KCNIP4: variants seen among roughly 807,000 people sequenced by gnomAD.
KCNIP4 encodes potassium voltage-gated channel interacting protein 4, also known as Kv channel-interacting protein 4.
KCNIP4 carries 12 observed loss-of-function variants against 34.0 expected under a neutral mutation model. The ratio of observed to expected loss-of-function variants is 0.35; its 90% confidence interval spans 0.23 to 0.57. The LOEUF (loss-of-function observed/expected upper bound fraction) is 0.57. Among genes scored for constraint, KCNIP4 ranks in the 20% least tolerant of loss-of-function variants. The pLI is 0.83. For missense variants in KCNIP4, 238 were observed against 311.7 expected, an observed-to-expected ratio of 0.76 and a Z score of 1.78; for synonymous variants, 124 against 102.2, an observed-to-expected ratio of 1.21 and a Z score of -1.29.
intron 1 of KCNIP4, among the ~76,000 whole-genome samples, chr4:21,595,358 A>C (rs768818886): frequency 4.6e-5 from 7 of 152,118 alleles, no homozygotes; most frequent in Non-Finnish European, 7.4e-5. Flanking sequence ...TCCACGGTAT[A>C]TATGTGCCAC....
At chr4:21,612,324 T>A (rs1202309903) in intron 1 of KCNIP4, among the ~76,000 whole-genome samples, 3 of 152,222 alleles carry the variant, frequency 2.0e-5, no homozygotes, top group Non-Finnish European at 2.9e-5. Flanking sequence ...ACTGGCATGT[T>A]AATAACGTCA....
intron 1 of KCNIP4, among the ~76,000 whole-genome samples, chr4:21,393,786 A>G (rs1722749169): frequency 6.6e-6 from 1 of 152,198 alleles, no homozygotes; most frequent in African/African-American, 2.4e-5. Flanking sequence ...CTCCACTGCC[A>G]TCATTGAAAT....
intron 1 of KCNIP4, among the ~76,000 whole-genome samples, chr4:21,101,822 C>G (rs962836420): frequency 6.6e-6 from 1 of 152,166 alleles, no homozygotes; most frequent in Non-Finnish European, 1.5e-5. Context: ...ATAGACAACA[C>G]ATGACTCAGA....
Position 20,994,462 on chromosome 4 carries a change from G to A in KCNIP4, c.62-111753C>T, listed in dbSNP as rs946971426. Among the ~76,000 whole-genome samples the A allele has an allele frequency of 2.2e-4, 33 of 152,256 alleles. 1 individual carries two copies. In the East Asian group the frequency reaches 5.4e-3, roughly 25 times the overall value. On this transcript the variant is annotated intron_variant, in intron 1 of 8. Coordinates refer to ENST00000382152, the MANE Select transcript of KCNIP4 (RefSeq NM_025221.6). ...AGCTTTAATTAGCATTCCTATTTCT[G>A]AACTAATTGTCACAGAGAAAGGACT...
chr4:21,790,296 C>T (rs566604270), intron 1 of KCNIP4, among the ~76,000 whole-genome samples: 3 of 152,228 alleles, frequency 2.0e-5, no homozygotes, highest in South Asian at 2.1e-4. Context: ...AAAACAATTT[C>T]GAAATTACTT....
At chr4:21,071,846 A>G (rs981747826) in intron 1 of KCNIP4, among the ~76,000 whole-genome samples, 2 of 151,840 alleles carry the variant, frequency 1.3e-5, no homozygotes, top group South Asian at 2.1e-4. Context: ...CCTGTGTCCA[A>G]GTGTTCTCAT....
chr4:21,138,464 GCC>G (rs1190976719), intron 1 of KCNIP4, among the ~76,000 whole-genome samples: 1 of 152,024 alleles, frequency 6.6e-6, no homozygotes, highest in Admixed American at 6.6e-5. Context: ...AATCCTAAAA[GCC>G]AAATTCTGAA....
intron 1 of KCNIP4, among the ~76,000 whole-genome samples, chr4:21,490,582 T>C (rs1376889249): frequency 1.3e-5 from 2 of 152,136 alleles, no homozygotes; most frequent in African/African-American, 4.8e-5. Context: ...ATTTAGGAAA[T>C]AAGATTTCTA....
chr4:21,775,278 T>C (rs1436807723), intron 1 of KCNIP4, among the ~76,000 whole-genome samples: 2 of 152,092 alleles, frequency 1.3e-5, no homozygotes, highest in Non-Finnish European at 1.5e-5. Flanking sequence ...TCTGATTCAC[T>C]CCTGTGCCTG....
intron 1 of KCNIP4, chr4:21,844,018 T>C (rs1266431585): frequency 6.6e-6 from 1 of 152,002 alleles, no homozygotes; most frequent in South Asian, 2.1e-4. Context: ...AGTAAGATAA[T>C]AAATGAGTTC....
intron 3 of KCNIP4, among the ~76,000 whole-genome samples, chr4:20,839,906 C>T (rs550308007): frequency 6.6e-6 from 1 of 152,130 alleles, no homozygotes; most frequent in Non-Finnish European, 1.5e-5. Context: ...AAAGAGTTAG[C>T]ATAACAGGTG....
intron 1 of KCNIP4, among the ~76,000 whole-genome samples, chr4:21,073,102 T>C (rs1032090099): frequency 1.3e-5 from 2 of 152,208 alleles, no homozygotes; most frequent in African/African-American, 4.8e-5. Context: ...TTTGTTCTTT[T>C]GGCTTAGGAT....
intron 4 of KCNIP4, among the ~76,000 whole-genome samples, chr4:20,755,083 T>C (rs1024619972): frequency 6.6e-6 from 1 of 152,172 alleles, no homozygotes; most frequent in Non-Finnish European, 1.5e-5. Flanking sequence ...TCAGGTACTA[T>C]TACCAATACC....
At chr4:20,943,094 A>G (rs535634421) in intron 1 of KCNIP4, among the ~76,000 whole-genome samples, 23 of 150,818 alleles carry the variant, frequency 1.5e-4, no homozygotes, top group Admixed American at 1.5e-3. Context: ...CCCAGAGTAC[A>G]GCTGCAGAAT....
At chr4:21,945,001 G>A (rs115778688) in intron 1 of KCNIP4, among the ~76,000 whole-genome samples, 4,765 of 152,054 alleles carry the variant, frequency 0.031, 102 homozygotes, top group Middle Eastern at 0.068. Context: ...TGCCTCACAC[G>A]TTAATCTACT....
chr4:21,045,735 C>G (rs1742373132), intron 1 of KCNIP4, among the ~76,000 whole-genome samples: 1 of 152,096 alleles, frequency 6.6e-6, no homozygotes, highest in African/African-American at 2.4e-5. Context: ...GAAAAATAAA[C>G]AGAGAAACCT....
At chr4:21,068,217 C>A (rs544787905) in intron 1 of KCNIP4, among the ~76,000 whole-genome samples, 2 of 152,240 alleles carry the variant, frequency 1.3e-5, no homozygotes, top group Admixed American at 1.3e-4. Context: ...TCTGGTACCA[C>A]TCATGTCCAC....
At chr4:21,252,415 T>C (rs12649637) in intron 1 of KCNIP4, among the ~76,000 whole-genome samples, 3,291 of 152,120 alleles carry the variant, frequency 0.022, 86 homozygotes, top group East Asian at 0.16. Flanking sequence ...TGTGAGCCCC[T>C]TCCCTCGCCC....
intron 1 of KCNIP4, among the ~76,000 whole-genome samples, chr4:21,840,371 A>G (rs1464286847): frequency 6.6e-6 from 1 of 152,080 alleles, no homozygotes; most frequent in African/African-American, 2.4e-5. Flanking sequence ...GAATTTACAA[A>G]TGCCTTTTAT....
Sources: allele counts gnomAD v4.1 joint callset (sites outside exome capture counted in the v4.1 genomes callset), GRCh38; gene constraint gnomAD v4.1.1; transcripts MANE v1.5; gene names NCBI Gene and HGNC (gene_info 2026-07-23, HGNC 2026-07-21).